Variants in XRCC5 observed in about 807,000 individuals in gnomAD.
XRCC5 encodes X-ray repair cross complementing 5.
A neutral mutation model predicts 95.7 loss-of-function variants in XRCC5; 12 were observed. That is an observed-to-expected ratio of 0.13 (90% CI 0.08 to 0.20). The LOEUF (loss-of-function observed/expected upper bound fraction) is 0.20. Among genes scored for constraint, XRCC5 ranks in the 10% least tolerant of loss-of-function variants. The pLI is 1.00. For synonymous variants in XRCC5, 281 were observed against 290.3 expected, an observed-to-expected ratio of 0.97 and a Z score of 0.33; for missense variants, 595 against 873.9, an observed-to-expected ratio of 0.68 and a Z score of 4.02.
Position 216,185,408 on chromosome 2 carries a change from C to A in XRCC5, c.1835-4817C>A, listed in dbSNP as rs200994385. 2.2e-4 allele frequency among the ~76,000 whole-genome samples: 33 copies of A among 152,314 alleles called. No homozygotes were observed. In the East Asian group the frequency reaches 6.0e-3, roughly 28 times the overall value. On this transcript the variant is annotated intron_variant, in intron 16 of 20. Transcript: ENST00000392132. Reference sequence around the variant, plus strand: ...GTTTCTTAAATTGCCTCTGTTAAAACAGACTTTCTTATCAGGCAAATATCT... The same window carrying A: ...GTTTCTTAAATTGCCTCTGTTAAAAAAGACTTTCTTATCAGGCAAATATCT...
intron 16 of XRCC5, among the ~76,000 whole-genome samples, chr2:216,177,928 A>G (rs1401017699): frequency 6.6e-6 from 1 of 152,228 alleles, no homozygotes; most frequent in Admixed American, 6.5e-5. Flanking sequence ...TAAGGAGGGT[A>G]GAAGCTACAA....
intron 10 of XRCC5, among the ~76,000 whole-genome samples, chr2:216,133,580 T>G (rs1339115122): frequency 6.6e-6 from 1 of 152,216 alleles, no homozygotes; most frequent in Non-Finnish European, 1.5e-5. Context: ...AAAGTTGTGT[T>G]GAGACACACA....
intron 1 of XRCC5, 142 bp from the exon 2 acceptor site, chr2:216,112,874 A>G (rs1696613871): frequency 1.6e-6 from 1 of 626,630 alleles, no homozygotes; most frequent in Non-Finnish European, 2.8e-6. Flanking sequence ...TGTCTTACAC[A>G]CATTCTTATG....
chr2:216,185,146 G>A (rs1689472405), intron 16 of XRCC5, among the ~76,000 whole-genome samples: 1 of 152,142 alleles, frequency 6.6e-6, no homozygotes, highest in African/African-American at 2.4e-5. Context: ...GAGTACCAAG[G>A]GATGCTAAGG....
chr2:216,118,174 T>C (rs41298736), intron 4 of XRCC5, among the ~76,000 whole-genome samples: 2,077 of 151,306 alleles, frequency 0.014, 55 homozygotes, highest in African/African-American at 0.048. Flanking sequence ...ATGTTTTTTG[T>C]TGTTTTTTTT....
At chr2:216,122,599 A>C (rs1288470795) in intron 6 of XRCC5, among the ~76,000 whole-genome samples, 3 of 151,748 alleles carry the variant, frequency 2.0e-5, no homozygotes, top group Admixed American at 2.0e-4. Context: ...TTTTTTTTAC[A>C]CATCTACAAA....
intron 16 of XRCC5, among the ~76,000 whole-genome samples, chr2:216,183,595 C>T (rs1689433169): frequency 6.6e-6 from 1 of 152,214 alleles, no homozygotes; most frequent in South Asian, 2.1e-4. Context: ...TTTCCTGTGC[C>T]ACTGGTCATG....
intron 16 of XRCC5, among the ~76,000 whole-genome samples, chr2:216,189,877 A>G (rs1050855117): frequency 2.6e-5 from 4 of 152,198 alleles, no homozygotes; most frequent in Non-Finnish European, 4.4e-5. Context: ...GAATTATCCA[A>G]ATGGCCCCTA....
At position 216,148,174 on chromosome 2, in the gene XRCC5, C is replaced by T. The variant is rs1688675277; in HGVS notation, c.1568C>T (p.Thr523Ile). The T allele has an allele frequency of 5.6e-6, 9 of 1,614,096 alleles. No individual in the cohort carries two copies. The highest frequency in any genetic ancestry group is 7.6e-6 in the Non-Finnish European group (9 of 1,179,994). The change falls in exon 14 of 21, where the codon ACA becomes ATA. Residue 523 changes from threonine to isoleucine, a missense_variant. By Grantham distance (89) the Thr-to-Ile change is moderately conservative. Coordinates refer to ENST00000392132, the MANE Select transcript of XRCC5 (RefSeq NM_021141.4). ...ATGCTGAATCCTCCCGCTGAGGTGA[C>T]AACAAAAAGTCAGATTCCTCTCTCT... ...WNMLNPPAEV[T>I]TKSQIPLSKI...
intron 10 of XRCC5, among the ~76,000 whole-genome samples, chr2:216,135,056 G>C (rs898487833): frequency 2.0e-5 from 3 of 152,012 alleles, no homozygotes; most frequent in Non-Finnish European, 2.9e-5. Flanking sequence ...TATGAAATCT[G>C]TACAGGATTC....
At chr2:216,115,793 T>C (rs2106000184) in intron 2 of XRCC5, among the ~76,000 whole-genome samples, 1 of 147,800 alleles carries the variant, frequency 6.8e-6, no homozygotes, top group Non-Finnish European at 1.5e-5. Flanking sequence ...TAAATCCTAA[T>C]GTTTCATATT....
chr2:216,147,939 A>C, intron 13 of XRCC5, 144 bp from the exon 14 acceptor site: 1 of 853,752 alleles, frequency 1.2e-6, no homozygotes, highest in Non-Finnish European at 1.8e-6. Context: ...AGGTGGTTCT[A>C]GGTGAATCCT....
chr2:216,114,875 A>G (rs556804575), intron 2 of XRCC5, among the ~76,000 whole-genome samples: 13 of 152,312 alleles, frequency 8.5e-5, no homozygotes, highest in African/African-American at 2.6e-4. Context: ...CATGACTAGT[A>G]ACCACACTAC....
At chr2:216,129,429 A>G (rs1324678175) in intron 8 of XRCC5, among the ~76,000 whole-genome samples, 1 of 152,220 alleles carries the variant, frequency 6.6e-6, no homozygotes, top group Non-Finnish European at 1.5e-5. Flanking sequence ...ACAATGTACA[A>G]AAGTTGGAGT....
chr2:216,139,245 A>G (rs1697136500), intron 12 of XRCC5, among the ~76,000 whole-genome samples: 1 of 152,050 alleles, frequency 6.6e-6, no homozygotes, highest in Admixed American at 6.6e-5. Context: ...CTCCCTGTGT[A>G]TTAGTTCATT....
intron 1 of XRCC5, among the ~76,000 whole-genome samples, chr2:216,112,727 CTCA>C (rs1443139177): frequency 2.6e-5 from 4 of 152,210 alleles, no homozygotes; most frequent in Non-Finnish European, 5.9e-5. Context: ...ATCATATGTA[CTCA>C]TCATGGGTTT....
intron 16 of XRCC5, among the ~76,000 whole-genome samples, chr2:216,172,348 G>GA (rs1689179691): frequency 6.6e-6 from 1 of 150,428 alleles, no homozygotes; most frequent in Middle Eastern, 3.5e-3. Flanking sequence ...AAAAGTTTAA[G>GA]AAAAAAAGAC....
At chr2:216,150,561 T>C (rs10932647) in intron 14 of XRCC5, among the ~76,000 whole-genome samples, 53,960 of 152,066 alleles carry the variant, frequency 0.35, 10,502 homozygotes, top group East Asian at 0.68. Flanking sequence ...ACCCGTGCAG[T>C]GTGTTACTAT....
At chr2:216,182,391 A>G (rs2106041092) in intron 16 of XRCC5, among the ~76,000 whole-genome samples, 1 of 152,312 alleles carries the variant, frequency 6.6e-6, no homozygotes, top group Non-Finnish European at 1.5e-5. Context: ...GATAGATACT[A>G]TAAAATTGCT....
Sources: gnomAD v4.1 joint callset for allele counts (sites outside exome capture counted in the v4.1 genomes callset) on GRCh38, gnomAD v4.1.1 for gene constraint, MANE v1.5 for transcripts, NCBI Gene and HGNC (gene_info 2026-07-23, HGNC 2026-07-21) for gene names.